XPA: variants seen among roughly 807,000 people sequenced by gnomAD.
XPA encodes the protein DNA repair protein complementing XP-A cells.
In XPA, 27 loss-of-function variants were observed where a neutral mutation model predicts 35.7. The observed-to-expected ratio is 0.76, with a 90% confidence interval of 0.56 to 1.04. The LOEUF is 1.04. Ranked by LOEUF, XPA falls within the 50% of genes least tolerant of loss-of-function variation. XPA has a pLI of 0.00. For missense variants in XPA, 354 were observed against 342.7 expected (o/e 1.03, Z -0.26); for synonymous variants, 133 against 118.4 (o/e 1.12, Z -0.80).
At position 97,675,054 on chromosome 9, in the gene XPA, T is replaced by C; in HGVS notation, c.*385A>G. On this transcript the variant is annotated 3_prime_UTR_variant, in exon 6 of 6. Transcript: ENST00000375128. ...GGGTACAGTGGTGCACCACCATTGC[T>C]ATTATTTGTTTCTTGGTTAAGAATC... The C allele has an allele frequency of 1.9e-6, 1 of 532,890 alleles. No individual in the cohort carries two copies. The allele number at this position is 532,890 out of a possible 1,614,324, so 33.0% of individuals were successfully genotyped here.
chr9:97,691,886 AATATATATATATATAT>A (rs55944336), intron 2 of XPA, among the ~76,000 whole-genome samples: 4 of 124,682 alleles, frequency 3.2e-5, no homozygotes, highest in Non-Finnish European at 4.7e-5. Flanking sequence ...TTTCTAAATA[AATATATATATATATAT>A]ATATATATAT....
intron 5 of XPA, chr9:97,682,531 G>A (rs186211029): frequency 5.1e-5 from 25 of 485,688 alleles, no homozygotes; most frequent in Admixed American, 1.8e-4. Context: ...ACAGAACTTA[G>A]GTATTCATAT....
the XPA span, chr9:97,668,905 A>C: frequency 1.2e-6 from 2 of 1,613,804 alleles, no homozygotes; most frequent in Admixed American, 3.3e-5. Context: ...AGGAACAAAT[A>C]GAACGACTTC....
At chr9:97,678,352 G>A (rs1449866657) in intron 5 of XPA, among the ~76,000 whole-genome samples, 2 of 152,138 alleles carry the variant, frequency 1.3e-5, no homozygotes, top group African/African-American at 2.4e-5. Flanking sequence ...AGTGAGCTGA[G>A]GTTGCGCCAC....
chr9:97,678,968 T>C lies in XPA; in HGVS notation c.674-3381A>G, dbSNP rs537987378. Reference sequence around the variant, plus strand: ...TCATAAAAAATACGAGCTGTGTAAATATCCCAGAAAAGTTTAGAAAGACTT... The same window carrying C: ...TCATAAAAAATACGAGCTGTGTAAACATCCCAGAAAAGTTTAGAAAGACTT... On this transcript the variant is annotated intron_variant, in intron 5 of 5. Coordinates refer to ENST00000375128, the MANE Select transcript of XPA (RefSeq NM_000380.4). 7.2e-4 allele frequency among the ~76,000 whole-genome samples: 109 copies of C among 152,312 alleles called. 1 individual carries two copies. The highest frequency in any genetic ancestry group is 2.3e-3 in the South Asian group (11 of 4,816).
intron 5 of XPA, among the ~76,000 whole-genome samples, chr9:97,681,795 C>G (rs557529312): frequency 3.9e-5 from 6 of 152,178 alleles, no homozygotes; most frequent in Non-Finnish European, 8.8e-5. Context: ...CTCTTTCAGA[C>G]TCCTTAAGAT....
At chr9:97,662,925 T>A in the XPA span, 7 of 1,478,408 alleles carry the variant, frequency 4.7e-6, no homozygotes, top group Non-Finnish European at 6.6e-6. Flanking sequence ...TAAGTATATA[T>A]GGTATTTTTT....
At chr9:97,680,774 C>T (rs1828516096) in intron 5 of XPA, among the ~76,000 whole-genome samples, 2 of 152,110 alleles carry the variant, frequency 1.3e-5, no homozygotes, top group Admixed American at 1.3e-4. Context: ...GTTTTAAAAA[C>T]AAGGTAAGGC....
At chr9:97,669,961 T>G, downstream of XPA, 1 of 488,076 alleles carries the variant, frequency 2.0e-6, no homozygotes, top group Admixed American at 2.9e-5. Flanking sequence ...CTCACTCTGT[T>G]GCCCAGGCTG....
chr9:97,654,914 T>C, the XPA span: 2 of 1,611,972 alleles, frequency 1.2e-6, no homozygotes. Flanking sequence ...TACATGCGTT[T>C]GGACACAATG....
intron 2 of XPA, among the ~76,000 whole-genome samples, chr9:97,692,395 A>G (rs1260794920): frequency 6.6e-6 from 1 of 152,206 alleles, no homozygotes; most frequent in African/African-American, 2.4e-5. Context: ...ATAACACACT[A>G]ATCTCCAAAC....
the XPA span, among the ~76,000 whole-genome samples, chr9:97,669,437 C>T: frequency 6.6e-6 from 1 of 152,098 alleles, no homozygotes; most frequent in African/African-American, 2.4e-5. Context: ...ACCAGTCTGC[C>T]CTTCTAGGTT....
At chr9:97,693,332 C>G (rs1828947522) in intron 2 of XPA, among the ~76,000 whole-genome samples, 1 of 152,168 alleles carries the variant, frequency 6.6e-6, no homozygotes, top group Non-Finnish European at 1.5e-5. Context: ...TGCCTCATTT[C>G]AGCCTATCAA....
downstream of XPA, chr9:97,673,629 C>CT (rs1367211719): frequency 2.0e-5 from 3 of 152,212 alleles, no homozygotes; most frequent in Non-Finnish European, 4.4e-5. Flanking sequence ...TCAACAGTTG[C>CT]TGTCCCCAGT....
the XPA span, chr9:97,655,660 A>G: frequency 6.6e-7 from 1 of 1,513,390 alleles, no homozygotes; most frequent in Non-Finnish European, 9.1e-7. Context: ...AATCCCAGTT[A>G]TTCTTCCTTT....
chr9:97,694,115 A>C (rs1828972532), intron 1 of XPA, among the ~76,000 whole-genome samples: 1 of 152,244 alleles, frequency 6.6e-6, no homozygotes, highest in Admixed American at 6.5e-5. Context: ...AGAAATCAAA[A>C]AGGACTTAAA....
chr9:97,687,591 G>T (rs923586044), intron 3 of XPA, among the ~76,000 whole-genome samples: 7 of 152,208 alleles, frequency 4.6e-5, no homozygotes, highest in African/African-American at 7.2e-5. Flanking sequence ...AAGCGATGGT[G>T]AGGAGTGGTG....
intron 5 of XPA, among the ~76,000 whole-genome samples, chr9:97,677,956 A>G (rs1828418395): frequency 6.6e-6 from 1 of 152,280 alleles, no homozygotes; most frequent in Admixed American, 6.5e-5. Flanking sequence ...TCATCATCCA[A>G]AAAGCCAGTA....
downstream of XPA, among the ~76,000 whole-genome samples, chr9:97,674,736 A>C (rs1373266108): frequency 2.0e-5 from 3 of 152,222 alleles, no homozygotes; most frequent in African/African-American, 7.2e-5. Context: ...CTGGTTGGTA[A>C]ATGCTCAGTA....
Sources: allele counts gnomAD v4.1 joint callset (sites outside exome capture counted in the v4.1 genomes callset), GRCh38; gene constraint gnomAD v4.1.1; transcripts MANE v1.5; gene names NCBI Gene and HGNC (gene_info 2026-07-23, HGNC 2026-07-21).